The following PDE10A variants were observed in gnomAD, a reference collection of about 807,000 sequenced individuals.
PDE10A encodes the protein cAMP and cAMP-inhibited cGMP 3',5'-cyclic phosphodiesterase 10A.
Under a neutral mutation model 97.7 loss-of-function variants are expected in PDE10A, and 39 were observed. The ratio of observed to expected loss-of-function variants is 0.40; its 90% CI spans 0.31 to 0.52. The LOEUF (loss-of-function observed/expected upper bound fraction) is 0.52, where lower values mean the gene tolerates loss of function less well. PDE10A is among the 20% of genes least tolerant of loss of function. PDE10A has a pLI of 0.56. For synonymous variants in PDE10A, 371 were observed against 376.8 expected (o/e 0.98, Z 0.18); for missense variants, 731 against 1,047.8 (o/e 0.70, Z 4.17).
intron 2 of PDE10A, among the ~76,000 whole-genome samples, chr6:165,502,605 G>A (rs1454623312): frequency 6.6e-6 from 1 of 152,156 alleles, no homozygotes; most frequent in African/African-American, 2.4e-5. Context: ...GTGAAGCAAT[G>A]GTATTTTATA....
intron 5 of PDE10A, among the ~76,000 whole-genome samples, chr6:165,436,700 TA>T (rs1248290034): frequency 1.3e-5 from 2 of 152,160 alleles, no homozygotes; most frequent in African/African-American, 4.8e-5. Flanking sequence ...ACTTATGGAT[TA>T]AAAAATTACA....
intron 1 of PDE10A, among the ~76,000 whole-genome samples, chr6:165,982,218 C>A (rs537079293): frequency 6.6e-6 from 1 of 152,156 alleles, no homozygotes. Context: ...ACGCGTGAGT[C>A]GGTCATGCCC....
chr6:165,624,464 C>T (rs984431139), intron 1 of PDE10A, among the ~76,000 whole-genome samples: 9 of 152,226 alleles, frequency 5.9e-5, no homozygotes, highest in African/African-American at 1.9e-4. Context: ...AATTCGTCAG[C>T]TCTGATTGTC....
Position 165,819,672 on chromosome 6 carries a change from G to C in PDE10A, c.-615+167857C>G, listed in dbSNP as rs1417004370. On this transcript the variant is annotated intron_variant, in intron 1 of 19. Transcript: ENST00000366882. This position sits in a 1 kb window ranked among gnomAD's most constrained non-coding sequence, Gnocchi z 4.2. ...TTTGACCGAAACCTTTGCCAAGGCT[G>C]TCAGTGTGCTGGATTTCACTGACTG... 6.6e-6 allele frequency among the ~76,000 whole-genome samples: 1 copy of C among 152,206 alleles called. No homozygotes were observed. Among genetic ancestry groups the C allele is most frequent in the East Asian group, 1.9e-4 (1 of 5,190 alleles).
At chr6:165,925,662 TAACA>T (rs1782911072) in intron 1 of PDE10A, among the ~76,000 whole-genome samples, 1 of 152,204 alleles carries the variant, frequency 6.6e-6, no homozygotes, top group East Asian at 1.9e-4. Context: ...ATTCTTGAAA[TAACA>T]AACTATTGAG....
intron 1 of PDE10A, among the ~76,000 whole-genome samples, chr6:165,610,211 T>A (rs1220004851): frequency 2.6e-5 from 4 of 152,112 alleles, no homozygotes; most frequent in African/African-American, 9.7e-5. Flanking sequence ...ACCACACATC[T>A]ACAACTATCT....
Position 165,339,468 on chromosome 6 carries a change from T to G in PDE10A, c.2896-110A>C, listed in dbSNP as rs1212145016. On this transcript the variant is annotated intron_variant, in intron 19 of 21. Transcript: ENST00000539869. The stretch of plus-strand genomic sequence containing the variant: ...CCTTAATTTTCTTCAAAACAAATAA[T>G]GTTTGTGGTTGTTAACCCAAGAAAA... 8 of 714,846 alleles carry G rather than the reference T, an allele frequency of 1.1e-5. No homozygotes were observed. The Admixed American group carries it at 1.6e-4, about 14-fold the overall frequency. The allele number at this position is 714,846 out of a possible 1,614,324, so 44.3% of individuals were successfully genotyped here.
chr6:165,958,741 AAGAAAG>A (rs200478346), intron 1 of PDE10A, among the ~76,000 whole-genome samples: 5,579 of 37,284 alleles, frequency 0.15, 417 homozygotes, highest in South Asian at 0.27. Flanking sequence ...GAAAGAAAGA[AAGAAAG>A]AGAAAGAAAG....
chr6:165,821,826 A>G (rs1023076915), intron 1 of PDE10A, among the ~76,000 whole-genome samples: 1 of 152,156 alleles, frequency 6.6e-6, no homozygotes, highest in East Asian at 1.9e-4. Flanking sequence ...TACAGGTATG[A>G]GCCACCATGC....
In PDE10A at chr6:165,635,402, G is replaced by A. The variant is rs530072627; in HGVS notation, c.865+26545C>T. ...TTTGTAAGACTGAATACCAGCACCAGTTTAGTCTTGGCACAGGCAAAATGT... is the reference window on the plus strand; with the variant it reads ...TTTGTAAGACTGAATACCAGCACCAATTTAGTCTTGGCACAGGCAAAATGT... On this transcript the variant is annotated intron_variant, in intron 1 of 21. Transcript: ENST00000539869. Among the ~76,000 whole-genome samples, 5 of 152,318 alleles carry A rather than the reference G, an allele frequency of 3.3e-5. No individual in the cohort carries two copies. The South Asian group carries it at 1.0e-3, about 32-fold the overall frequency.
chr6:165,398,424 G>A (rs1249394825), intron 13 of PDE10A, among the ~76,000 whole-genome samples: 1 of 150,962 alleles, frequency 6.6e-6, no homozygotes, highest in African/African-American at 2.4e-5. Flanking sequence ...AGAGGTGGAG[G>A]TTTCAGTGAG....
intron 1 of PDE10A, among the ~76,000 whole-genome samples, chr6:165,720,505 G>T (rs949110574): frequency 6.6e-6 from 1 of 152,030 alleles, no homozygotes; most frequent in Admixed American, 6.6e-5. Context: ...CAAACCTAAA[G>T]AATAAAAAAT....
At chr6:165,555,272 C>G (rs773736900) in intron 1 of PDE10A, among the ~76,000 whole-genome samples, 3 of 152,110 alleles carry the variant, frequency 2.0e-5, no homozygotes, top group African/African-American at 7.2e-5. Flanking sequence ...AAATCTCTCA[C>G]GTACGCCATA....
chr6:165,980,447 G>A (rs910004000), intron 1 of PDE10A, among the ~76,000 whole-genome samples: 1 of 152,164 alleles, frequency 6.6e-6, no homozygotes, highest in Non-Finnish European at 1.5e-5. Flanking sequence ...TCATTCAATA[G>A]GGTTTAGTTA....
chr6:165,718,784 G>T (rs946847032), intron 1 of PDE10A, among the ~76,000 whole-genome samples: 1 of 152,094 alleles, frequency 6.6e-6, no homozygotes, highest in Admixed American at 6.5e-5. Context: ...TTAGTGCCTT[G>T]CTCTTACATA....
intron 1 of PDE10A, among the ~76,000 whole-genome samples, chr6:165,892,797 C>T (rs1314420345): frequency 6.6e-6 from 1 of 152,204 alleles, no homozygotes. Context: ...ACACTGTTGT[C>T]TCCATCAAGT....
intron 1 of PDE10A, among the ~76,000 whole-genome samples, chr6:165,608,018 G>A (rs576448251): frequency 6.0e-5 from 9 of 151,158 alleles, no homozygotes; most frequent in African/African-American, 9.7e-5. Context: ...ATTATTCTAC[G>A]AACAGTTATT....
chr6:165,498,350 G>A (rs1327767131), intron 2 of PDE10A, among the ~76,000 whole-genome samples: 1 of 138,496 alleles, frequency 7.2e-6, no homozygotes, highest in Non-Finnish European at 1.5e-5. Flanking sequence ...TTGAGCCCAG[G>A]AGTTCAAGGC....
At position 165,796,112 on chromosome 6, in the gene PDE10A, T is replaced by C. The variant is rs368575940; in HGVS notation, c.-615+191417A>G. ...TTTTCTTTTTTTTTTTTTTTTTTTT[T>C]TGAGACGGAGTCTTGATCTGTCACC... is the stretch of plus-strand genomic sequence containing the variant. On this transcript the variant is annotated intron_variant, in intron 1 of 19. Transcript: ENST00000366882. 8.3e-3 allele frequency among the ~76,000 whole-genome samples: 1,222 copies of C among 147,280 alleles called. 17 individuals are homozygous for C. Among genetic ancestry groups the C allele is most frequent in the African/African-American group, 0.03 (1,166 of 39,058 alleles).
Sources: allele counts gnomAD v4.1 joint callset (sites outside exome capture counted in the v4.1 genomes callset), GRCh38; gene constraint gnomAD v4.1.1; non-coding constraint Gnocchi (gnomAD v3.1); transcripts MANE v1.5; gene names NCBI Gene and HGNC (gene_info 2026-07-23, HGNC 2026-07-21).